The following ABCA13 variants were observed in gnomAD, a reference collection of about 807,000 sequenced individuals.
ABCA13 encodes ATP-binding cassette sub-family A member 13.
A neutral mutation model predicts 478.7 loss-of-function variants in ABCA13; 476 were observed. That is an observed-to-expected ratio of 0.99 (90% CI 0.92 to 1.07). The LOEUF is 1.07. Among genes scored for constraint, ABCA13 ranks in the 50% least tolerant of loss-of-function variants. The pLI is 0.00. For missense variants in ABCA13, 6,060 were observed against 5,910.6 expected (o/e 1.03, Z -0.83); for synonymous variants, 2,252 against 2,158.9 (o/e 1.04, Z -1.20).
intron 45 of ABCA13, among the ~76,000 whole-genome samples, chr7:48,472,244 A>C (rs924516624): frequency 2.6e-5 from 4 of 152,212 alleles, no homozygotes; most frequent in Non-Finnish European, 5.9e-5. Context: ...AAAAGAAAAA[A>C]AATATTGAAG....
intron 6 of ABCA13, 81 bp from the exon 7 acceptor site, chr7:48,229,744 G>C (rs1788773306): frequency 1.3e-6 from 2 of 1,539,916 alleles, no homozygotes; most frequent in Middle Eastern, 1.7e-4. Flanking sequence ...CAGTCCATGG[G>C]ATGTAAGTAA....
At chr7:48,221,889 A>T (rs1409634594) in intron 5 of ABCA13, among the ~76,000 whole-genome samples, 2 of 152,228 alleles carry the variant, frequency 1.3e-5, no homozygotes, top group Non-Finnish European at 2.9e-5. Flanking sequence ...TCCGGTTGAT[A>T]AGCCTCAAGT....
chr7:48,417,140 G>A (rs1029700255), intron 41 of ABCA13, among the ~76,000 whole-genome samples: 9 of 152,118 alleles, frequency 5.9e-5, no homozygotes, highest in Non-Finnish European at 8.8e-5. Flanking sequence ...GTACAAGTCC[G>A]AAGAACAGGA....
chr7:48,307,196 T>C (rs1358595476), intron 23 of ABCA13, among the ~76,000 whole-genome samples: 1 of 152,250 alleles, frequency 6.6e-6, no homozygotes, highest in Non-Finnish European at 1.5e-5. Context: ...GATATCATCA[T>C]TATGTGAACA....
At chr7:48,606,786 C>A (rs939275867) in intron 58 of ABCA13, among the ~76,000 whole-genome samples, 1 of 152,206 alleles carries the variant, frequency 6.6e-6, no homozygotes, top group Non-Finnish European at 1.5e-5. Context: ...CAGACAGGGA[C>A]GTTTAAGTCT....
intron 15 of ABCA13, among the ~76,000 whole-genome samples, chr7:48,255,187 C>T (rs929395695): frequency 6.6e-6 from 1 of 152,062 alleles, no homozygotes; most frequent in Non-Finnish European, 1.5e-5. Context: ...AAGGCTGTGC[C>T]TGTGACTCAG....
chr7:48,579,274 A>G (rs1788477965), intron 55 of ABCA13, among the ~76,000 whole-genome samples: 1 of 152,260 alleles, frequency 6.6e-6, no homozygotes, highest in African/African-American at 2.4e-5. Context: ...AAGAATCCTT[A>G]AAATTAAACA....
At chr7:48,228,740 C>T (rs11977206) in intron 6 of ABCA13, among the ~76,000 whole-genome samples, 14,739 of 152,156 alleles carry the variant, frequency 0.097, 968 homozygotes, top group East Asian at 0.19. Context: ...GAAAATGGAA[C>T]GTATTTTGAT....
In ABCA13 at chr7:48,644,717, T is replaced by C. The variant is rs372986710; in HGVS notation, c.15044T>C (p.Ile5015Thr). 6.2e-7 allele frequency: 1 copy of C among 1,608,722 alleles called. No homozygotes were observed. The highest frequency in any genetic ancestry group is 1.3e-5 in the African/African-American group (1 of 74,612). ...VIENNKTFLNIKHYSINQTTL... is the reference protein window; with the variant it reads ...VIENNKTFLNTKHYSINQTTL... Reference sequence around the variant, plus strand: ...GAGAACAATAAAACCTTCTTGAATATTAAGCATTATTCCATTAACCAAACC... The same window carrying C: ...GAGAACAATAAAACCTTCTTGAATACTAAGCATTATTCCATTAACCAAACC... The change falls in exon 61 of 62, where the codon ATT becomes ACT. Residue 5015 changes from isoleucine to threonine, a missense_variant. Around this residue, in one of 3 missense-constraint regions of ABCA13, gnomAD observed 1,627 missense variants for 1,571.0 expected, o/e 1.04. Transcript: ENST00000435803.
intron 15 of ABCA13, among the ~76,000 whole-genome samples, chr7:48,259,208 TCTC>T (rs1482442720): frequency 6.6e-6 from 1 of 152,064 alleles, no homozygotes; most frequent in Non-Finnish European, 1.5e-5. Context: ...GGTGTTGAAT[TCTC>T]CTTCTATTAT....
chr7:48,480,541 ACCT>A (rs1175786700), intron 45 of ABCA13, among the ~76,000 whole-genome samples: 1 of 152,140 alleles, frequency 6.6e-6, no homozygotes, highest in Non-Finnish European at 1.5e-5. Flanking sequence ...TGTGTTGATC[ACCT>A]CCTCCTACCT....
chr7:48,450,337 G>T (rs988232954), intron 42 of ABCA13, among the ~76,000 whole-genome samples: 1 of 151,990 alleles, frequency 6.6e-6, no homozygotes, highest in Non-Finnish European at 1.5e-5. Flanking sequence ...GTAATTTATC[G>T]TTTACAAGAT....
chr7:48,278,939 TCA>T lies in ABCA13; in HGVS notation c.7748_7749del (p.Thr2583IlefsTer2). 1 of 1,613,452 alleles carries T rather than the reference TCA, an allele frequency of 6.2e-7. No individual in the cohort carries two copies. Among genetic ancestry groups the T allele is most frequent in the Non-Finnish European group, 8.5e-7 (1 of 1,179,842 alleles). The stretch of plus-strand genomic sequence containing the variant: ...GCTACTTTAAAAAAAATAGATCATT[TCA>T]CATTTGAAAAGATAAATGATTTGTT... On this transcript the variant is annotated frameshift_variant, in exon 18 of 62. Transcript: ENST00000435803. LOFTEE classifies it high-confidence loss of function.
chr7:48,359,823 G>C (rs1379114702), intron 31 of ABCA13, among the ~76,000 whole-genome samples: 1 of 151,924 alleles, frequency 6.6e-6, no homozygotes, highest in Admixed American at 6.5e-5. Context: ...GGTCCAACAC[G>C]CCCATGACTT....
chr7:48,501,830 G>A (rs1170443176), intron 48 of ABCA13, among the ~76,000 whole-genome samples: 26 of 152,146 alleles, frequency 1.7e-4, no homozygotes, highest in Admixed American at 1.7e-3. Flanking sequence ...GCTCATTGTA[G>A]AGGCAGGATT....
At chr7:48,587,897 A>G (rs955215869) in intron 57 of ABCA13, among the ~76,000 whole-genome samples, 2 of 152,248 alleles carry the variant, frequency 1.3e-5, no homozygotes, top group African/African-American at 2.4e-5. Context: ...TAAAACAGCT[A>G]TAACTGTTAA....
At chr7:48,390,258 G>A (rs1815837720) in intron 37 of ABCA13, among the ~76,000 whole-genome samples, 1 of 152,214 alleles carries the variant, frequency 6.6e-6, no homozygotes, top group Non-Finnish European at 1.5e-5. Flanking sequence ...TGACTGTGTT[G>A]CTTTTAGTGT....
chr7:48,261,781 G>A lies in ABCA13; in HGVS notation c.2006-7199G>A, dbSNP rs189224559. On this transcript the variant is annotated intron_variant, in intron 15 of 61. Transcript: ENST00000435803. ...ACTGGTTTTTATTTTTTTCTTTTGT[G>A]TGATCTGTCTTTTATGTGTAAACTT... Among the ~76,000 whole-genome samples the A allele has an allele frequency of 2.5e-3, 383 of 150,874 alleles. 3 individuals carry two copies. The highest frequency in any genetic ancestry group is 9.0e-3 in the African/African-American group (370 of 41,138).
chr7:48,436,771 G>GATCCATTT (rs1268124097), intron 42 of ABCA13, among the ~76,000 whole-genome samples: 1 of 150,214 alleles, frequency 6.7e-6, no homozygotes, highest in Non-Finnish European at 1.5e-5. Context: ...TTTACTATTT[G>GATCCATTT]ATCCATTTGT....
Sources: allele counts gnomAD v4.1 joint callset (sites outside exome capture counted in the v4.1 genomes callset), GRCh38; gene constraint gnomAD v4.1.1; regional missense constraint gnomAD v4.1.1; transcripts MANE v1.5; gene names NCBI Gene and HGNC (gene_info 2026-07-23, HGNC 2026-07-21).